The following RTN4 variants were observed in gnomAD, a reference collection of about 807,000 sequenced individuals.
The protein encoded by RTN4 is reticulon 4, also known as reticulon-4.
In RTN4, 32 loss-of-function variants were observed where a neutral mutation model predicts 90.4. The ratio of observed to expected loss-of-function variants is 0.35; its 90% CI spans 0.27 to 0.48. RTN4 has a LOEUF of 0.48. RTN4 is among the 20% of genes least tolerant of loss of function. RTN4 has a pLI of 0.99. For synonymous variants in RTN4, 629 were observed against 552.5 expected (o/e 1.14, Z -1.94); for missense variants, 1,706 against 1,430.2 (o/e 1.19, Z -3.11).
the RTN4 span, among the ~76,000 whole-genome samples, chr2:55,124,208 A>G: frequency 6.6e-6 from 1 of 152,216 alleles, no homozygotes; most frequent in African/African-American, 2.4e-5. Flanking sequence ...ACACCACGGA[A>G]CAAGACTGAA....
At chr2:55,035,262 C>T (rs1682596912) in intron 1 of RTN4, among the ~76,000 whole-genome samples, 1 of 152,120 alleles carries the variant, frequency 6.6e-6, no homozygotes, top group Non-Finnish European at 1.5e-5. Context: ...CAAGATAAAA[C>T]ATTTCCTGGG....
chr2:55,107,798 T>C (rs1489300551), intron 1 of RTN4, among the ~76,000 whole-genome samples: 1 of 152,046 alleles, frequency 6.6e-6, no homozygotes, highest in African/African-American at 2.4e-5. Context: ...TGGTCAACTA[T>C]AATTACAAAA....
intron 4 of RTN4, among the ~76,000 whole-genome samples, chr2:54,983,270 T>C (rs1267086040): frequency 1.3e-5 from 2 of 151,936 alleles, no homozygotes; most frequent in African/African-American, 2.4e-5. Context: ...CTAGATGTTT[T>C]AATCCATACC....
At chr2:55,064,315 AATTATTC>A (rs1400588603) in intron 2 of RTN4, among the ~76,000 whole-genome samples, 1 of 151,792 alleles carries the variant, frequency 6.6e-6, no homozygotes, top group Non-Finnish European at 1.5e-5. Context: ...CTTTGGCAAC[AATTATTC>A]ATATTTAAAA....
chr2:55,123,722 C>T, the RTN4 span, among the ~76,000 whole-genome samples: 2 of 151,572 alleles, frequency 1.3e-5, no homozygotes, highest in South Asian at 2.1e-4. Context: ...TATTGTTACT[C>T]GTGTAACACT....
In RTN4 at chr2:54,973,604, A is replaced by G; in HGVS notation, c.3495T>C (p.Tyr1165=). The G allele has an allele frequency of 1.2e-6, 2 of 1,610,622 alleles. No homozygotes were observed. The highest frequency in any genetic ancestry group is 2.2e-5 in the East Asian group (1 of 44,800). Residue 1165 remains tyrosine, a synonymous_variant, in exon 8 of 9, where the codon TAT becomes TAC. Coordinates refer to ENST00000337526, the MANE Select transcript of RTN4 (RefSeq NM_020532.5). ...TAACATTCTTATTTGCAAGTCCTAG[A>G]TAATGATCTATCTGTGCCTGAAAGA... ...YERHQAQIDH[Y]LGLANKNVKD... is the part of the protein sequence containing the mutation.
At chr2:55,016,359 G>A (rs1338069509) in intron 3 of RTN4, among the ~76,000 whole-genome samples, 2 of 152,306 alleles carry the variant, frequency 1.3e-5, no homozygotes, top group South Asian at 4.1e-4. Context: ...AAGGTGGGCA[G>A]ATCACTTAAG....
rs755522825 is a variant in RTN4 at position 54,987,546 on chromosome 2, T to C, written c.3166A>G (p.Ile1056Val). ...ALLSVTISFR[I>V]YKGVIQAIQK... ...ATAGCTTGGATCACACCCTTGTATA[T>C]CCTAAAGCTGATGGTCACAGAGAGC... Residue 1056 changes from isoleucine (I) to valine (V), a missense_variant, in exon 4 of 9, where the codon ATA (isoleucine) becomes GTA (valine). Coordinates refer to ENST00000337526, the MANE Select transcript of RTN4 (RefSeq NM_020532.5). 9.3e-6 allele frequency: 15 copies of C among 1,614,150 alleles called. No homozygotes were observed. In the South Asian group the frequency reaches 1.6e-4, roughly 18 times the overall value.
In RTN4 at chr2:55,049,229, G is replaced by A. The variant is rs763532685; in HGVS notation, c.556+516C>T. The A allele has an allele frequency of 4.2e-6, 4 of 952,022 alleles. No homozygotes were observed. The African/African-American group carries it at 7.1e-5, about 17-fold the overall frequency. 59.0% of individuals were successfully genotyped at this position (952,022 alleles called of 1,614,324 possible). A position where few individuals can be genotyped will look rare whatever the true frequency, so the allele number is the denominator to read the frequency against. On this transcript the variant is annotated intron_variant, in intron 1 of 8. Coordinates refer to ENST00000337526, the MANE Select transcript of RTN4 (RefSeq NM_020532.5). ...GGGGAAGCGCAAAGGGGCCACCCAC[G>A]CCAGCCAGGAGGTGAGGAGGGAGCC... is the stretch of plus-strand genomic sequence containing the variant.
At chr2:55,036,193 C>A (rs945015284) in intron 1 of RTN4, among the ~76,000 whole-genome samples, 1 of 152,112 alleles carries the variant, frequency 6.6e-6, no homozygotes, top group Non-Finnish European at 1.5e-5. Flanking sequence ...CATAACCACA[C>A]ATGCAAAAAA....
At chr2:54,983,686 C>G (rs964721540) in intron 4 of RTN4, among the ~76,000 whole-genome samples, 1 of 152,206 alleles carries the variant, frequency 6.6e-6, no homozygotes, top group Admixed American at 6.5e-5. Flanking sequence ...ACTCTCCAAA[C>G]CAATCTCTGA....
rs199769551 is a variant in RTN4 at position 55,025,117 on chromosome 2, A to G, written c.2982T>C (p.Ala994=). 1.9e-6 allele frequency: 3 copies of G among 1,611,606 alleles called. No homozygotes were observed. The highest frequency in any genetic ancestry group is 2.5e-6 in the Non-Finnish European group (3 of 1,178,962). ...DTEKEDRSPS[A]IFSAELSKTS... Reference sequence around the variant, plus strand: ...TTTTACTCAGCTCTGCTGAAAATATAGCAGATGGTGATCTGTCCTCTTTTT... The same window carrying G: ...TTTTACTCAGCTCTGCTGAAAATATGGCAGATGGTGATCTGTCCTCTTTTT... Residue 994 remains alanine (A), a synonymous_variant, in exon 3 of 9, where the codon GCT becomes GCC. Transcript: ENST00000337526.
rs76711347 is a variant in RTN4 at position 55,086,356 on chromosome 2, A to G, written c.-213-5717T>C. On this transcript the variant is annotated intron_variant, in intron 1 of 3. Transcript: ENST00000427710. ...ATACCCCTGTGTAACTGTTACCAAG[A>G]TCAAGAAATAGAATATGACCAGGGC... 4.2e-3 allele frequency among the ~76,000 whole-genome samples: 637 copies of G among 152,194 alleles called. 3 individuals carry two copies. Among genetic ancestry groups the G allele is most frequent in the African/African-American group, 0.012 (500 of 41,518 alleles).
At chr2:55,077,263 T>G (rs1365538013) in intron 2 of RTN4, among the ~76,000 whole-genome samples, 2 of 151,624 alleles carry the variant, frequency 1.3e-5, no homozygotes, top group East Asian at 3.9e-4. Context: ...TCCTCCTGCC[T>G]CGGCCTCCCA....
upstream of RTN4, among the ~76,000 whole-genome samples, chr2:55,051,474 A>G (rs983978232): frequency 2.0e-5 from 3 of 152,206 alleles, no homozygotes; most frequent in African/African-American, 7.2e-5. Context: ...TCCACTTTTT[A>G]TGAGGCTGGA....
intron 1 of RTN4, among the ~76,000 whole-genome samples, chr2:55,105,390 C>T (rs1407733160): frequency 2.0e-5 from 3 of 151,362 alleles, no homozygotes; most frequent in South Asian, 2.1e-4. Flanking sequence ...CCACCACACC[C>T]GGCTAATTTT....
chr2:55,124,416 G>A, the RTN4 span, among the ~76,000 whole-genome samples: 10 of 152,306 alleles, frequency 6.6e-5, no homozygotes, highest in South Asian at 6.2e-4. Flanking sequence ...AAAACAAAGA[G>A]GTGGCCTTCA....
Position 55,084,660 on chromosome 2 carries a change from G to A in RTN4, c.-213-4021C>T, listed in dbSNP as rs570510305. On this transcript the variant is annotated intron_variant, in intron 1 of 3. Coordinates refer to the RTN4 transcript ENST00000427710. ...TGGGATTGAGCCCTTAACCTGTGGCGTCTGTGCTGACTAGAGTAAGTGTCA... is the reference window on the plus strand; with the variant it reads ...TGGGATTGAGCCCTTAACCTGTGGCATCTGTGCTGACTAGAGTAAGTGTCA... Among the ~76,000 whole-genome samples the A allele has an allele frequency of 5.3e-5, 8 of 152,280 alleles. No homozygotes were observed. The South Asian group carries it at 6.2e-4, about 12-fold the overall frequency.
At chr2:55,066,965 A>C (rs553430082) in intron 2 of RTN4, among the ~76,000 whole-genome samples, 1 of 152,292 alleles carries the variant, frequency 6.6e-6, no homozygotes, top group African/African-American at 2.4e-5. Flanking sequence ...ACCCAAACCC[A>C]ATAAGATTAT....
Sources: gnomAD v4.1 joint callset for allele counts (sites outside exome capture counted in the v4.1 genomes callset) on GRCh38, gnomAD v4.1.1 for gene constraint, MANE v1.5 for transcripts, NCBI Gene and HGNC (gene_info 2026-07-23, HGNC 2026-07-21) for gene names.